Variants in RNF17 observed in about 807,000 individuals in gnomAD.
The protein encoded by RNF17 is ring finger protein 17.
A neutral mutation model predicts 200.5 loss-of-function variants in RNF17; 31 were observed. The ratio of observed to expected loss-of-function variants is 0.15; its 90% CI spans 0.12 to 0.21. RNF17 has a LOEUF of 0.21. Among genes scored for constraint, RNF17 ranks in the 10% least tolerant of loss-of-function variants. RNF17 has a pLI of 1.00. For synonymous variants in RNF17, 606 were observed against 637.8 expected (o/e 0.95, Z 0.75); for missense variants, 1,628 against 1,905.1 (o/e 0.85, Z 2.71).
intron 18 of RNF17, among the ~76,000 whole-genome samples, chr13:24,837,945 G>T (rs1029255818): frequency 6.6e-6 from 1 of 152,092 alleles, no homozygotes; most frequent in Non-Finnish European, 1.5e-5. Context: ...GCACGATTTA[G>T]CACGATTAAC....
At chr13:24,868,080 T>C (rs1180198815) in intron 30 of RNF17, among the ~76,000 whole-genome samples, 1 of 152,206 alleles carries the variant, frequency 6.6e-6, no homozygotes, top group Non-Finnish European at 1.5e-5. Flanking sequence ...AAAATACTTT[T>C]TGAAATTAGA....
chr13:24,830,429 T>C, intron 16 of RNF17, 55 bp from the exon 17 acceptor site: 1 of 1,077,492 alleles, frequency 9.3e-7, no homozygotes, highest in Non-Finnish European at 1.4e-6. Context: ...AATCTAAATT[T>C]TTCTAGATAA....
At chr13:24,797,237 A>T (rs918227137) in intron 11 of RNF17, among the ~76,000 whole-genome samples, 2 of 152,206 alleles carry the variant, frequency 1.3e-5, no homozygotes, top group Admixed American at 1.3e-4. Context: ...ACAGCCAGAA[A>T]GTTGTGCTTT....
At chr13:24,860,902 A>C (rs1387558235) in intron 26 of RNF17, among the ~76,000 whole-genome samples, 2 of 150,416 alleles carry the variant, frequency 1.3e-5, no homozygotes, top group Non-Finnish European at 3.0e-5. Context: ...TTTTGAAACA[A>C]GTTCTTCCTC....
At chr13:24,848,395 C>G (rs1281273966) in intron 22 of RNF17, among the ~76,000 whole-genome samples, 1 of 152,180 alleles carries the variant, frequency 6.6e-6, no homozygotes, top group Non-Finnish European at 1.5e-5. Context: ...GACGCGGTGG[C>G]CCACGCCTGT....
chr13:24,796,011 C>A (rs1163753694), intron 10 of RNF17, 126 bp from the exon 11 acceptor site: 6 of 552,364 alleles, frequency 1.1e-5, no homozygotes, highest in Non-Finnish European at 1.8e-5. Context: ...CTGGGGCCGA[C>A]GTGCGATATT....
chr13:24,760,621 C>T (rs1013378831), upstream of RNF17, among the ~76,000 whole-genome samples: 1 of 152,018 alleles, frequency 6.6e-6, no homozygotes, highest in Non-Finnish European at 1.5e-5. Context: ...AATAGACAAA[C>T]AGGATTACAT....
chr13:24,768,403 G>A (rs1227113094), intron 2 of RNF17, among the ~76,000 whole-genome samples: 1 of 151,070 alleles, frequency 6.6e-6, no homozygotes, highest in Non-Finnish European at 1.5e-5. Context: ...TCCTGCCTCA[G>A]CCTCCCAAGT....
intron 1 of RNF17, 104 bp from the exon 2 acceptor site, chr13:24,767,167 TG>T: frequency 1.4e-6 from 1 of 710,238 alleles, no homozygotes; most frequent in Non-Finnish European, 2.4e-6. Context: ...AGGTGGAGGC[TG>T]CAGTGAGCTG....
chr13:24,758,894 C>A, the RNF17 span, among the ~76,000 whole-genome samples: 17 of 151,718 alleles, frequency 1.1e-4, no homozygotes, highest in African/African-American at 3.6e-4. Flanking sequence ...TGGCCAACAT[C>A]GTGAAACCCC....
At chr13:24,883,364 C>A, downstream of RNF17, 1 of 1,597,296 alleles carries the variant, frequency 6.3e-7, no homozygotes, top group South Asian at 1.2e-5. Flanking sequence ...GAGTTTGTTG[C>A]CATCACTGTA....
chr13:24,788,190 T>G (rs1883363095), intron 7 of RNF17, 31 bp downstream of exon 7: 1 of 1,500,738 alleles, frequency 6.7e-7, no homozygotes, highest in Admixed American at 2.3e-5. Flanking sequence ...GTGAGTTATT[T>G]CTGTGGTAGC....
At chr13:24,872,230 G>T (rs1450503459) in intron 32 of RNF17, among the ~76,000 whole-genome samples, 1 of 152,116 alleles carries the variant, frequency 6.6e-6, no homozygotes, top group Non-Finnish European at 1.5e-5. Context: ...AAAGTGCTGG[G>T]ATTACAGACG....
At chr13:24,821,160 C>G (rs569610512) in intron 15 of RNF17, among the ~76,000 whole-genome samples, 1 of 152,306 alleles carries the variant, frequency 6.6e-6, no homozygotes, top group Non-Finnish European at 1.5e-5. Context: ...CCTTCATCTT[C>G]ACATGGAGTT....
intron 3 of RNF17, among the ~76,000 whole-genome samples, chr13:24,777,996 TCA>T (rs1340499054): frequency 6.6e-6 from 1 of 152,174 alleles, no homozygotes; most frequent in African/African-American, 2.4e-5. Context: ...GCACAGTGGC[TCA>T]CACCTATAAT....
chr13:24,781,910 C>G lies in RNF17; in HGVS notation c.577C>G (p.Gln193Glu). 1.9e-6 allele frequency: 3 copies of G among 1,612,510 alleles called. No individual in the cohort carries two copies. Among genetic ancestry groups the G allele is most frequent in the Non-Finnish European group, 2.5e-6 (3 of 1,179,486 alleles). ...AAGAGTTATAGAAGTTGTGGAGAAA[C>G]AGTTTGACCAACTTTTGGCTTTTTT... ...RERVIEVVEK[Q>E]FDQLLAFFDS... Residue 193 changes from glutamine to glutamate, a missense_variant, in exon 6 of 36, where the codon CAG (glutamine) becomes GAG (glutamate). Transcript: ENST00000255324.
intron 4 of RNF17, 81 bp from the exon 5 acceptor site, chr13:24,779,586 T>A (rs1474602530): frequency 9.1e-7 from 1 of 1,096,100 alleles, no homozygotes; most frequent in East Asian, 2.5e-5. Context: ...GTAGCCTGAA[T>A]TTTTTGCAAC....
chr13:24,768,993 T>C (rs1013394337), intron 2 of RNF17, among the ~76,000 whole-genome samples: 27 of 6,162 alleles, frequency 4.4e-3, no homozygotes, highest in Admixed American at 0.03. Flanking sequence ...CCTCTTCCCT[T>C]TTTTTTTTTT....
At chr13:24,790,298 G>A (rs1322795507) in intron 9 of RNF17, among the ~76,000 whole-genome samples, 2 of 152,070 alleles carry the variant, frequency 1.3e-5, no homozygotes, top group Non-Finnish European at 2.9e-5. Context: ...TAGCATGCTA[G>A]GTTCAGGGAA....
Sources: gnomAD v4.1 joint callset for allele counts (sites outside exome capture counted in the v4.1 genomes callset) on GRCh38, gnomAD v4.1.1 for gene constraint, MANE v1.5 for transcripts, NCBI Gene and HGNC (gene_info 2026-07-23, HGNC 2026-07-21) for gene names.